ITGA4: variants seen among roughly 807,000 people sequenced by gnomAD.
ITGA4 encodes the protein integrin subunit alpha 4, also known as integrin alpha-4.
A neutral mutation model predicts 133.6 loss-of-function variants in ITGA4; 63 were observed. The ratio of observed to expected loss-of-function variants is 0.47; its 90% CI spans 0.38 to 0.58. The LOEUF is 0.58. Ranked by LOEUF, ITGA4 falls within the 20% of genes least tolerant of loss-of-function variation. The pLI is 0.00. For missense variants in ITGA4, 1,076 were observed against 1,252.7 expected (o/e 0.86, Z 2.13); for synonymous variants, 483 against 438.0 (o/e 1.10, Z -1.28).
chr2:181,473,235 C>T (rs146122004), intron 2 of ITGA4, among the ~76,000 whole-genome samples: 2 of 152,316 alleles, frequency 1.3e-5, no homozygotes, highest in African/African-American at 4.8e-5. Flanking sequence ...GTGAGCATTC[C>T]CGCCTGAGCT....
intron 20 of ITGA4, 105 bp downstream of exon 20, chr2:181,524,355 A>T: frequency 1.6e-6 from 1 of 622,324 alleles, no homozygotes; most frequent in Non-Finnish European, 2.7e-6. Context: ...GTAAGAGAAA[A>T]CTTCTCTTAC....
chr2:181,464,931 A>G (rs527406875), intron 2 of ITGA4, among the ~76,000 whole-genome samples: 40 of 152,296 alleles, frequency 2.6e-4, no homozygotes, highest in African/African-American at 9.4e-4. Flanking sequence ...TTTACCTCTG[A>G]GAATTTTTAA....
chr2:181,482,323 T>C, intron 7 of ITGA4, 37 bp from the exon 8 acceptor site: 2 of 1,553,224 alleles, frequency 1.3e-6, no homozygotes, highest in Non-Finnish European at 1.7e-6. Flanking sequence ...AAAAATGTTA[T>C]TCCTAAAAAC....
At position 181,534,915 on chromosome 2, in the gene ITGA4, A is replaced by G; in HGVS notation, c.2983A>G (p.Ile995Val). Residue 995 changes from isoleucine to valine, a missense_variant, in exon 27 of 28, where the codon ATC becomes GTC. Physicochemically the swap from Ile to Val is conservative, Grantham distance 29. Coordinates refer to ENST00000397033, the MANE Select transcript of ITGA4 (RefSeq NM_000885.6). ...ACTTGGACTTATTGTACTTCTATTGATCTCATATGTTATGTGGAAGGTAAG... is the reference window on the plus strand; with the variant it reads ...ACTTGGACTTATTGTACTTCTATTGGTCTCATATGTTATGTGGAAGGTAAG... ...LLLGLIVLLL[I>V]SYVMWKAGFF... 3 of 1,583,410 alleles carry G rather than the reference A, an allele frequency of 1.9e-6. No homozygotes were observed. The South Asian group carries it at 3.5e-5, about 19-fold the overall frequency.
intron 2 of ITGA4, among the ~76,000 whole-genome samples, chr2:181,474,014 G>A (rs528636459): frequency 2.3e-4 from 35 of 152,288 alleles, no homozygotes; most frequent in African/African-American, 7.9e-4. Context: ...TGATGCTAAT[G>A]TATTTATCTG....
At chr2:181,500,306 A>G (rs534778148) in intron 15 of ITGA4, among the ~76,000 whole-genome samples, 1 of 152,294 alleles carries the variant, frequency 6.6e-6, no homozygotes, top group African/African-American at 2.4e-5. Context: ...GATAAGAACC[A>G]CAGTTGCAGC....
chr2:181,458,400 C>T, intron 2 of ITGA4, 83 bp downstream of exon 2: 3 of 1,508,226 alleles, frequency 2.0e-6, no homozygotes, highest in East Asian at 2.4e-5. Flanking sequence ...TGGAAAGATT[C>T]ACGTTGCCTG....
chr2:181,479,658 T>A (rs529412976), intron 5 of ITGA4: 8 of 152,262 alleles, frequency 5.3e-5, no homozygotes, highest in African/African-American at 1.9e-4. Flanking sequence ...TCCATTGGAC[T>A]TTTTTCCCTA....
Position 181,537,110 on chromosome 2 carries a change from CATTT to C in ITGA4, c.*1586_*1589del, listed in dbSNP as rs1687163362. On this transcript the variant is annotated 3_prime_UTR_variant, in exon 28 of 28. Transcript: ENST00000397033. ...GTATACACAGGAATAAACTTTATGA[CATTT>C]ATGTATTTTTAAAAAACTTTGTATC... The C allele has an allele frequency of 2.2e-6, 1 of 452,658 alleles. No individual in the cohort carries two copies. Among genetic ancestry groups the C allele is most frequent in the Admixed American group, 2.4e-5 (1 of 42,230 alleles). 28.0% of individuals were successfully genotyped at this position (452,658 alleles called of 1,614,324 possible). A position where few individuals can be genotyped will look rare whatever the true frequency, so the allele number is the denominator to read the frequency against.
At chr2:181,518,011 C>T (rs901498168) in intron 17 of ITGA4, among the ~76,000 whole-genome samples, 6 of 151,960 alleles carry the variant, frequency 3.9e-5, no homozygotes, top group Non-Finnish European at 8.8e-5. Flanking sequence ...ACTTTTAGAA[C>T]CTCTTAGGTT....
chr2:181,485,827 G>T (rs1218338099), intron 9 of ITGA4, 54 bp from the exon 10 acceptor site: 1 of 1,423,686 alleles, frequency 7.0e-7, no homozygotes, highest in Non-Finnish European at 9.7e-7. Flanking sequence ...AGTAAATCGT[G>T]TAAAGTTGTC....
intron 15 of ITGA4, 118 bp from the exon 16 acceptor site, chr2:181,509,539 GA>G: frequency 3.5e-6 from 2 of 568,334 alleles, no homozygotes. Context: ...TTAGATAAAA[GA>G]TAAGTATTTG....
At chr2:181,475,724 C>T (rs552377344) in intron 4 of ITGA4, 79 of 1,469,122 alleles carry the variant, frequency 5.4e-5, no homozygotes, top group Non-Finnish European at 6.5e-5. Flanking sequence ...TTCGCACTCA[C>T]TATCTCTTTT....
intron 15 of ITGA4, among the ~76,000 whole-genome samples, chr2:181,509,369 C>T (rs1005206928): frequency 4.0e-5 from 6 of 151,530 alleles, no homozygotes; most frequent in African/African-American, 7.3e-5. Context: ...CTTTTAAATG[C>T]GTAGAAAATA....
rs1279923475 is a variant in ITGA4, at chr2:181,536,867, T to TGAACATCTGTTATAGGGAGTGATCA, written c.*1341_*1365dup. On this transcript the variant is annotated 3_prime_UTR_variant, in exon 28 of 28. Transcript: ENST00000397033. ...TCATAAGAGAGCTGTGGCCGAATTT[T>TGAACATCTGTTATAGGGAGTGATCA]GAACATCTGTTATAGGGAGTGATCA... 1 of 433,470 alleles carries TGAACATCTGTTATAGGGAGTGATCA rather than the reference T, an allele frequency of 2.3e-6. No homozygotes were observed. Among genetic ancestry groups the TGAACATCTGTTATAGGGAGTGATCA allele is most frequent in the Admixed American group, 2.5e-5 (1 of 39,402 alleles). 26.9% of individuals were successfully genotyped at this position (433,470 alleles called of 1,614,324 possible).
At chr2:181,496,610 G>A (rs1299847660) in intron 14 of ITGA4, among the ~76,000 whole-genome samples, 3 of 152,156 alleles carry the variant, frequency 2.0e-5, no homozygotes, top group Non-Finnish European at 4.4e-5. Context: ...CATTGATATA[G>A]CTCATCCAAA....
chr2:181,499,610 C>G (rs569921000), intron 15 of ITGA4, among the ~76,000 whole-genome samples: 2 of 152,230 alleles, frequency 1.3e-5, no homozygotes, highest in East Asian at 3.9e-4. Flanking sequence ...ATCAAGACTC[C>G]AATACGCTAT....
chr2:181,491,214 C>G (rs1160753249), intron 10 of ITGA4, among the ~76,000 whole-genome samples: 4 of 152,162 alleles, frequency 2.6e-5, no homozygotes, highest in Admixed American at 2.0e-4. Context: ...TTGCCTTAAT[C>G]TAGATCACTC....
At chr2:181,486,035 A>C in intron 10 of ITGA4, 43 bp downstream of exon 10, 1 of 1,556,304 alleles carries the variant, frequency 6.4e-7, no homozygotes, top group Non-Finnish European at 8.6e-7. Context: ...CTGCTTTTAA[A>C]ATGGTTTATG....
Sources: gnomAD v4.1 joint callset for allele counts (sites outside exome capture counted in the v4.1 genomes callset) on GRCh38, gnomAD v4.1.1 for gene constraint, MANE v1.5 for transcripts, NCBI Gene and HGNC (gene_info 2026-07-23, HGNC 2026-07-21) for gene names.